The following MXI1 variants were observed in gnomAD, a reference collection of about 807,000 sequenced individuals.
The protein encoded by MXI1 is MAX interactor 1, dimerization protein, also known as max-interacting protein 1.
In MXI1, 18 loss-of-function variants were observed where a neutral mutation model predicts 36.9. The observed-to-expected ratio is 0.49, with a 90% CI of 0.34 to 0.72. The LOEUF is 0.72. Among genes scored for constraint, MXI1 ranks in the 30% least tolerant of loss-of-function variants. The probability of loss-of-function intolerance (pLI) is 0.01; values close to 1 mark genes in which losing one functional copy is unlikely to be tolerated. For missense variants in MXI1, 304 were observed against 379.1 expected, an observed-to-expected ratio of 0.80 and a Z score of 1.64; for synonymous variants, 160 against 146.7, an observed-to-expected ratio of 1.09 and a Z score of -0.65.
chr10:110,278,302 A>G (rs1370178890), intron 3 of MXI1, among the ~76,000 whole-genome samples: 3 of 152,146 alleles, frequency 2.0e-5, no homozygotes, highest in Admixed American at 6.5e-5. Context: ...ATTTCCCTCA[A>G]CTTTCCCACA....
At chr10:110,223,431 A>T (rs1854868726) in intron 1 of MXI1, among the ~76,000 whole-genome samples, 1 of 152,116 alleles carries the variant, frequency 6.6e-6, no homozygotes, top group Non-Finnish European at 1.5e-5. Flanking sequence ...AAATCAAAAA[A>T]TTAGCTGGGC....
At chr10:110,243,476 C>A (rs927379674) in intron 2 of MXI1, among the ~76,000 whole-genome samples, 4 of 151,978 alleles carry the variant, frequency 2.6e-5, no homozygotes, top group Non-Finnish European at 4.4e-5. Context: ...AGCAAAAGCA[C>A]TCTTAATTTT....
In MXI1 at chr10:110,277,004, C is replaced by T. The variant is rs933169386; in HGVS notation, c.438-2176C>T. On this transcript the variant is annotated intron_variant, in intron 3 of 5. Transcript: ENST00000332674. ...GGGATTACAGGCGTGCACCACCATG[C>T]GCAGCTAACTTTTATATTTTTAGTA... Among the ~76,000 whole-genome samples, 9 of 152,012 alleles carry T rather than the reference C, an allele frequency of 5.9e-5. No homozygotes were observed. The South Asian group carries it at 6.2e-4, about 10-fold the overall frequency.
At chr10:110,208,755 A>C (rs1854429476) in intron 1 of MXI1, among the ~76,000 whole-genome samples, 5 of 107,424 alleles carry the variant, frequency 4.7e-5, no homozygotes, top group South Asian at 2.6e-4. Context: ...CCCCCCCCCA[A>C]AGAAGGAGGC....
chr10:110,247,049 T>C (rs762234339), intron 3 of MXI1, among the ~76,000 whole-genome samples: 34 of 152,166 alleles, frequency 2.2e-4, no homozygotes, highest in Admixed American at 5.2e-4. Context: ...GAGACCTTCA[T>C]TGGAAACCTG....
chr10:110,266,320 G>A (rs939939627), intron 3 of MXI1, among the ~76,000 whole-genome samples: 4 of 152,076 alleles, frequency 2.6e-5, no homozygotes, highest in African/African-American at 2.4e-5. Context: ...ATGCTGGCCA[G>A]GCTAGTCTCG....
intron 1 of MXI1, among the ~76,000 whole-genome samples, chr10:110,213,492 C>T (rs1186891205): frequency 6.6e-6 from 1 of 152,146 alleles, no homozygotes; most frequent in Non-Finnish European, 1.5e-5. Flanking sequence ...AAATTATGTT[C>T]CCCAGATTCA....
intron 5 of MXI1, among the ~76,000 whole-genome samples, chr10:110,283,965 T>G (rs1172334179): frequency 1.3e-5 from 2 of 148,694 alleles, no homozygotes; most frequent in Admixed American, 6.7e-5. Flanking sequence ...TGTTGTTGTG[T>G]TTTTTTTGGT....
intron 4 of MXI1, 76 bp downstream of exon 4, chr10:110,279,370 T>G: frequency 8.1e-7 from 1 of 1,230,114 alleles, no homozygotes; most frequent in Non-Finnish European, 1.2e-6. Context: ...CCTATTCATA[T>G]ACATCAGCTA....
intron 3 of MXI1, among the ~76,000 whole-genome samples, chr10:110,273,116 C>T (rs144938546): frequency 1.1e-4 from 15 of 142,306 alleles, no homozygotes; most frequent in African/African-American, 3.4e-4. Flanking sequence ...GATGCGATCT[C>T]GGCTCACTGC....
intron 3 of MXI1, among the ~76,000 whole-genome samples, chr10:110,249,643 T>C (rs370233075): frequency 3.3e-5 from 5 of 151,124 alleles, no homozygotes; most frequent in Non-Finnish European, 1.5e-5. Context: ...TCACTAGTGG[T>C]CTATGTGATC....
chr10:110,278,966 ATAATC>A (rs1406498667), intron 3 of MXI1, among the ~76,000 whole-genome samples: 1 of 152,204 alleles, frequency 6.6e-6, no homozygotes, highest in African/African-American at 2.4e-5. Flanking sequence ...ATTGGGGATA[ATAATC>A]TAAAGTGAGT....
intron 1 of MXI1, among the ~76,000 whole-genome samples, chr10:110,218,902 G>A (rs1389828025): frequency 2.0e-5 from 3 of 152,200 alleles, no homozygotes; most frequent in Admixed American, 6.5e-5. Context: ...TTAGGTCCTC[G>A]CTGCCACCGT....
At chr10:110,280,666 T>C (rs1407389070) in intron 5 of MXI1, among the ~76,000 whole-genome samples, 2 of 148,338 alleles carry the variant, frequency 1.3e-5, no homozygotes, top group Non-Finnish European at 1.5e-5. Flanking sequence ...GGCAACAGAG[T>C]GAGGTTCCGT....
chr10:110,283,292 C>T (rs1487763767), intron 5 of MXI1, among the ~76,000 whole-genome samples: 4 of 146,568 alleles, frequency 2.7e-5, no homozygotes, highest in African/African-American at 9.9e-5. Flanking sequence ...GAGAGAGTGT[C>T]TCGCTCTGTC....
At chr10:110,239,614 A>C (rs2134382011) in intron 2 of MXI1, among the ~76,000 whole-genome samples, 1 of 152,222 alleles carries the variant, frequency 6.6e-6, no homozygotes, top group East Asian at 1.9e-4. Context: ...GTATGATTTC[A>C]GTACTTTTAG....
In MXI1 at chr10:110,286,545, ATTG is replaced by A. The variant is rs1005668184; in HGVS notation, c.*1561_*1563del. 2.6e-5 allele frequency: 4 copies of A among 151,406 alleles called. No individual in the cohort carries two copies. Among genetic ancestry groups the A allele is most frequent in the Non-Finnish European group, 4.4e-5 (3 of 67,798 alleles). The allele number at this position is 151,406 out of a possible 1,614,324, so 9.4% of individuals were successfully genotyped here. On this transcript the variant is annotated 3_prime_UTR_variant, in exon 6 of 6. Transcript: ENST00000332674. ...CATAACTTATTGCTGATTTTAATGGATTGTTAATTTCAGTCCTGTAGTTTTATT... is the reference window on the plus strand; with the variant it reads ...CATAACTTATTGCTGATTTTAATGGATTAATTTCAGTCCTGTAGTTTTATT...
At chr10:110,226,313 G>T in intron 1 of MXI1, 1 of 1,480,748 alleles carries the variant, frequency 6.8e-7, no homozygotes, top group South Asian at 1.3e-5. Context: ...GCGTGAGCCC[G>T]AGCGCTACTA....
At chr10:110,224,064 G>A (rs1027664478) in intron 1 of MXI1, among the ~76,000 whole-genome samples, 1 of 152,244 alleles carries the variant, frequency 6.6e-6, no homozygotes, top group Non-Finnish European at 1.5e-5. Context: ...ATGAGGGAAA[G>A]GTATATTAAA....
Sources: allele counts gnomAD v4.1 joint callset (sites outside exome capture counted in the v4.1 genomes callset), GRCh38; gene constraint gnomAD v4.1.1; transcripts MANE v1.5; gene names NCBI Gene and HGNC (gene_info 2026-07-23, HGNC 2026-07-21).